The following ABCA13 variants were observed in gnomAD, a reference collection of about 807,000 sequenced individuals.
The protein encoded by ABCA13 is ATP-binding cassette sub-family A member 13.
Under a neutral mutation model 478.7 loss-of-function variants are expected in ABCA13, and 476 were observed. That is an observed-to-expected ratio of 0.99 (90% confidence interval 0.92 to 1.07). The LOEUF is 1.07. Among genes scored for constraint, ABCA13 ranks in the 50% least tolerant of loss-of-function variants. The pLI is 0.00. For synonymous variants in ABCA13, 2,252 were observed against 2,158.9 expected (o/e 1.04, Z -1.20); for missense variants, 6,060 against 5,910.6 (o/e 1.03, Z -0.83).
rs1799487398 is a variant in ABCA13, at chr7:48,297,108, C to A, written c.9120-124C>A. The A allele has an allele frequency of 1.8e-5, 15 of 815,366 alleles. No individual in the cohort carries two copies. The South Asian group carries it at 1.9e-4, about 11-fold the overall frequency. 50.5% of individuals were successfully genotyped at this position (815,366 alleles called of 1,614,324 possible). A position where few individuals can be genotyped will look rare whatever the true frequency, so the allele number is the denominator to read the frequency against. ...CATGTGGGTCTAATTGTTGCAGGAA[C>A]TTTATGGAAATGTGATCTTGTTATC... On this transcript the variant is annotated intron_variant, in intron 21 of 61. Transcript: ENST00000435803.
chr7:48,548,504 C>T (rs1434329627), intron 55 of ABCA13, among the ~76,000 whole-genome samples: 1 of 150,946 alleles, frequency 6.6e-6, no homozygotes, highest in East Asian at 1.9e-4. Context: ...TAATGTAATA[C>T]AGTACTGGGA....
In ABCA13 at chr7:48,378,695, C is replaced by T. The variant is rs116325177; in HGVS notation, c.11335+2123C>T. On this transcript the variant is annotated intron_variant, in intron 35 of 61. Coordinates refer to ENST00000435803, the MANE Select transcript of ABCA13 (RefSeq NM_152701.5). ...ATCTACCCAATATGTTAAACTTGAG[C>T]TATTTCAGAATCAGCTCTTACCCTG... Among the ~76,000 whole-genome samples the T allele has an allele frequency of 5.7e-3, 861 of 152,288 alleles. 10 individuals are homozygous for T. The highest frequency in any genetic ancestry group is 0.019 in the African/African-American group (810 of 41,562).
chr7:48,565,214 CTTTT>C (rs10559411), intron 55 of ABCA13, among the ~76,000 whole-genome samples: 16,787 of 113,872 alleles, frequency 0.15, 1,258 homozygotes, highest in African/African-American at 0.22. Flanking sequence ...ATTTAATGAG[CTTTT>C]TTTTTTTTTT....
At chr7:48,478,285 A>G (rs1489180693) in intron 45 of ABCA13, among the ~76,000 whole-genome samples, 1 of 126,116 alleles carries the variant, frequency 7.9e-6, no homozygotes, top group Non-Finnish European at 1.7e-5. Flanking sequence ...TATATCATAT[A>G]TATCATTTTA....
chr7:48,645,491 C>T lies in ABCA13; in HGVS notation c.15156C>T (p.His5052=). 2 of 1,588,616 alleles carry T rather than the reference C, an allele frequency of 1.3e-6. No individual in the cohort carries two copies. The highest frequency in any genetic ancestry group is 1.7e-6 in the Non-Finnish European group (2 of 1,166,268). Residue 5052 remains histidine, a synonymous_variant, in exon 62 of 62, where the codon CAC becomes CAT. Transcript: ENST00000435803. ...TTGATCCATCCACTGACAGTCACCA[C>T]ACACATCACTTGCCCATCTGAGCAC... ...STLDPSTDSH[H]THHLPI is the part of the protein sequence containing the mutation.
At chr7:48,514,462 A>C (rs1433260796) in intron 51 of ABCA13, among the ~76,000 whole-genome samples, 1 of 152,208 alleles carries the variant, frequency 6.6e-6, no homozygotes, top group Non-Finnish European at 1.5e-5. Context: ...GTTCCAGAAT[A>C]TAGAGTTTGA....
intron 58 of ABCA13, among the ~76,000 whole-genome samples, chr7:48,611,610 A>G (rs1986362): frequency 0.22 from 34,023 of 152,044 alleles, 4,072 homozygotes; most frequent in African/African-American, 0.3. Flanking sequence ...TGAAAGGGGA[A>G]GTGCTACACA....
intron 51 of ABCA13, among the ~76,000 whole-genome samples, chr7:48,513,236 G>C (rs1288896151): frequency 6.6e-6 from 1 of 152,212 alleles, no homozygotes; most frequent in Admixed American, 6.5e-5. Flanking sequence ...TGAAACCTAA[G>C]AGCACGTCCA....
chr7:48,193,605 G>T (rs952651495), intron 2 of ABCA13, among the ~76,000 whole-genome samples: 1 of 151,892 alleles, frequency 6.6e-6, no homozygotes, highest in South Asian at 2.1e-4. Context: ...TGATGATGAT[G>T]AAGATGATGA....
At position 48,239,325 on chromosome 7, in the gene ABCA13, G is replaced by T. The variant is rs767453139; in HGVS notation, c.982G>T (p.Val328Phe). 3 of 1,613,978 alleles carry T rather than the reference G, an allele frequency of 1.9e-6. No individual in the cohort carries two copies. Among genetic ancestry groups the T allele is most frequent in the Non-Finnish European group, 2.5e-6 (3 of 1,179,858 alleles). Reference sequence around the variant, plus strand: ...GGATGAAGCTGAGAAATGGGGCCACGTTGGAGGCTGCCACCCTAAGTGGTC... The same window carrying T: ...GGATGAAGCTGAGAAATGGGGCCACTTTGGAGGCTGCCACCCTAAGTGGTC... ...SEDEAEKWGH[V>F]GGCHPKWSEA... Residue 328 changes from valine to phenylalanine, a missense_variant, in exon 9 of 62, where the codon GTT becomes TTT. Transcript: ENST00000435803.
intron 1 of ABCA13, among the ~76,000 whole-genome samples, chr7:48,177,034 G>T (rs977829523): frequency 1.3e-5 from 2 of 152,046 alleles, no homozygotes; most frequent in Non-Finnish European, 1.5e-5. Flanking sequence ...TGAACTTGGT[G>T]TTACAAAGAA....
At chr7:48,431,997 C>G (rs1458903365) in intron 42 of ABCA13, among the ~76,000 whole-genome samples, 1 of 152,190 alleles carries the variant, frequency 6.6e-6, no homozygotes, top group African/African-American at 2.4e-5. Context: ...GTGAGACACA[C>G]TTGATCTTTT....
intron 35 of ABCA13, among the ~76,000 whole-genome samples, chr7:48,379,856 T>G (rs535103436): frequency 6.6e-6 from 1 of 152,346 alleles, no homozygotes; most frequent in African/African-American, 2.4e-5. Context: ...ATCAGGAAAT[T>G]CCCTTTGTTA....
intron 39 of ABCA13, among the ~76,000 whole-genome samples, chr7:48,406,487 G>C (rs1303922304): frequency 6.6e-6 from 1 of 152,176 alleles, no homozygotes; most frequent in Non-Finnish European, 1.5e-5. Context: ...AAATAGACAA[G>C]GGGCGAATGT....
At chr7:48,344,871 T>C (rs1051480276) in intron 29 of ABCA13, among the ~76,000 whole-genome samples, 2 of 152,198 alleles carry the variant, frequency 1.3e-5, no homozygotes, top group African/African-American at 2.4e-5. Context: ...TTTTATTATA[T>C]CTAGTCCATT....
At chr7:48,445,670 C>T (rs1824200867) in intron 42 of ABCA13, among the ~76,000 whole-genome samples, 1 of 152,172 alleles carries the variant, frequency 6.6e-6, no homozygotes. Context: ...AATGCTCATG[C>T]TCCCCTCTTA....
chr7:48,469,566 G>C (rs1346123825), intron 44 of ABCA13, among the ~76,000 whole-genome samples: 1 of 152,150 alleles, frequency 6.6e-6, no homozygotes, highest in Non-Finnish European at 1.5e-5. Context: ...TTCTTGTAGA[G>C]AGCTTTTGTT....
intron 41 of ABCA13, among the ~76,000 whole-genome samples, chr7:48,423,640 T>G (rs1821055755): frequency 6.6e-6 from 1 of 152,188 alleles, no homozygotes; most frequent in Non-Finnish European, 1.5e-5. Flanking sequence ...ATTAAGGAGA[T>G]GTAGATCCCC....
chr7:48,198,085 T>C (rs1467923235), intron 2 of ABCA13, among the ~76,000 whole-genome samples, 152 bp from the exon 3 acceptor site: 2 of 152,198 alleles, frequency 1.3e-5, no homozygotes, highest in Non-Finnish European at 2.9e-5. Context: ...TTTGTTTGAT[T>C]CTTTTTGTCT....
Sources: gnomAD v4.1 joint callset for allele counts (sites outside exome capture counted in the v4.1 genomes callset) on GRCh38, gnomAD v4.1.1 for gene constraint, MANE v1.5 for transcripts, NCBI Gene and HGNC (gene_info 2026-07-23, HGNC 2026-07-21) for gene names.